The following TAF4 variants were observed in gnomAD, a reference collection of about 807,000 sequenced individuals.
TAF4 encodes transcription initiation factor TFIID subunit 4.
Under a neutral mutation model 90.3 loss-of-function variants are expected in TAF4, and 9 were observed. The ratio of observed to expected loss-of-function variants is 0.10; its 90% CI spans 0.06 to 0.17. TAF4 has a LOEUF of 0.17. Ranked by LOEUF, TAF4 falls within the 10% of genes least tolerant of loss-of-function variation. The probability of loss-of-function intolerance (pLI) is 1.00; values close to 1 mark genes in which losing one functional copy is unlikely to be tolerated. For missense variants in TAF4, 1,351 were observed against 1,370.7 expected (o/e 0.99, Z 0.23); for synonymous variants, 818 against 638.9 (o/e 1.28, Z -4.23).
rs954862512 is a variant in TAF4, at chr20:61,976,478, G to A, written c.3091-143C>T. 18 of 941,780 alleles carry A rather than the reference G, an allele frequency of 1.9e-5. 1 individual carries two copies. Among genetic ancestry groups the A allele is most frequent in the Non-Finnish European group, 2.7e-5 (17 of 625,080 alleles). 58.3% of individuals were successfully genotyped at this position (941,780 alleles called of 1,614,324 possible). On this transcript the variant is annotated intron_variant, in intron 14 of 14. Transcript: ENST00000252996. ...TCCTTCCGGTAGGCCCACAGCTGGA[G>A]CTGGGGTGCTGTCCAGGGCCCTGCC...
chr20:62,035,240 T>A lies in TAF4; in HGVS notation c.1361-20533A>T, dbSNP rs1201090683. Among the ~76,000 whole-genome samples, 5 of 152,184 alleles carry A rather than the reference T, an allele frequency of 3.3e-5. No individual in the cohort carries two copies. The East Asian group carries it at 9.6e-4, about 29-fold the overall frequency. On this transcript the variant is annotated intron_variant, in intron 1 of 14. Coordinates refer to ENST00000252996, the MANE Select transcript of TAF4 (RefSeq NM_003185.4). ...CTAAAATTTATAAGGAAGATCAAAG[T>A]GCCAAGAGTTGCACAGACAATTCTC...
At chr20:62,063,258 C>T (rs2056099945) in intron 1 of TAF4, among the ~76,000 whole-genome samples, 2 of 152,186 alleles carry the variant, frequency 1.3e-5, no homozygotes, top group Non-Finnish European at 1.5e-5. Flanking sequence ...GACAAGAAAT[C>T]CTTTCACTTC....
At chr20:61,997,192 T>G (rs2055668688) in intron 14 of TAF4, among the ~76,000 whole-genome samples, 1 of 152,200 alleles carries the variant, frequency 6.6e-6, no homozygotes, top group Admixed American at 6.5e-5. Context: ...GAACTGTCCA[T>G]TCTCCTACAG....
chr20:62,056,239 A>G (rs1391049517), intron 1 of TAF4, among the ~76,000 whole-genome samples: 2 of 152,204 alleles, frequency 1.3e-5, no homozygotes, highest in Non-Finnish European at 2.9e-5. Context: ...TCTGTCTCGA[A>G]AAAAAAGAAA....
intron 1 of TAF4, among the ~76,000 whole-genome samples, chr20:62,022,810 T>C (rs1198512134): frequency 6.6e-6 from 1 of 152,210 alleles, no homozygotes; most frequent in African/African-American, 2.4e-5. Context: ...GTAACCCGAA[T>C]ATTTTGCTAA....
At chr20:62,036,407 A>T (rs552787038) in intron 1 of TAF4, among the ~76,000 whole-genome samples, 30 of 152,352 alleles carry the variant, frequency 2.0e-4, no homozygotes, top group Middle Eastern at 3.4e-3. Flanking sequence ...GAAAAGTCTG[A>T]CAACACCCAG....
intron 1 of TAF4, among the ~76,000 whole-genome samples, chr20:62,036,895 G>A (rs757414433): frequency 2.6e-5 from 4 of 152,168 alleles, no homozygotes; most frequent in East Asian, 3.8e-4. Flanking sequence ...CCGGATTAGC[G>A]CCCTTATGAA....
intron 14 of TAF4, among the ~76,000 whole-genome samples, chr20:61,983,701 T>A (rs1186832706): frequency 1.3e-5 from 2 of 152,188 alleles, no homozygotes; most frequent in Admixed American, 1.3e-4. Context: ...TAAAATATTA[T>A]GATAGAGTCA....
intron 1 of TAF4, among the ~76,000 whole-genome samples, chr20:62,022,861 GC>G (rs5842371): frequency 0.032 from 4,795 of 148,334 alleles, 189 homozygotes; most frequent in African/African-American, 0.094. Flanking sequence ...AGCACTTGCA[GC>G]CCCCCCCCCG....
intron 14 of TAF4, among the ~76,000 whole-genome samples, chr20:61,977,170 A>G (rs112055477): frequency 2.8e-4 from 38 of 135,468 alleles, no homozygotes; most frequent in Non-Finnish European, 4.7e-4. Context: ...CCAGCGGGGC[A>G]CGAGCCACAC....
At chr20:62,030,873 C>T (rs1279661696) in intron 1 of TAF4, among the ~76,000 whole-genome samples, 1 of 152,196 alleles carries the variant, frequency 6.6e-6, no homozygotes, top group Non-Finnish European at 1.5e-5. Context: ...AGGAGGCTCT[C>T]CGTACCCCAC....
At chr20:62,027,669 C>A (rs2055882239) in intron 1 of TAF4, among the ~76,000 whole-genome samples, 1 of 152,168 alleles carries the variant, frequency 6.6e-6, no homozygotes, top group Non-Finnish European at 1.5e-5. Context: ...GATAAAATAA[C>A]CTTGGCAAAT....
At chr20:61,981,580 G>C (rs1407518617) in intron 14 of TAF4, 2 of 152,212 alleles carry the variant, frequency 1.3e-5, no homozygotes, top group South Asian at 4.1e-4. Context: ...CGGTGAAAAT[G>C]CAGTAAGGAA....
At chr20:62,052,500 G>A (rs1213283713) in intron 1 of TAF4, among the ~76,000 whole-genome samples, 2 of 151,650 alleles carry the variant, frequency 1.3e-5, no homozygotes, top group East Asian at 1.9e-4. Context: ...GCCCTGCCCC[G>A]CACCAGCTCC....
chr20:62,018,565 C>T (rs1285912146), intron 1 of TAF4, among the ~76,000 whole-genome samples: 1 of 152,234 alleles, frequency 6.6e-6, no homozygotes, highest in East Asian at 1.9e-4. Context: ...GGTGTGGCCC[C>T]CACCCCGCCC....
chr20:62,018,325 G>A (rs570914710), intron 1 of TAF4, among the ~76,000 whole-genome samples: 36 of 152,302 alleles, frequency 2.4e-4, no homozygotes, highest in African/African-American at 6.3e-4. Flanking sequence ...CTGCATCCAC[G>A]CCATGTTTCC....
chr20:61,978,558 A>G (rs1168929375), intron 14 of TAF4, among the ~76,000 whole-genome samples: 1 of 143,234 alleles, frequency 7.0e-6, no homozygotes, highest in African/African-American at 2.7e-5. Flanking sequence ...CAACCAAAGG[A>G]GGGGGTGAGA....
At position 61,993,118 on chromosome 20, in the gene TAF4, G is replaced by C. The variant is rs182638190; in HGVS notation, c.3090+4432C>G. Reference sequence around the variant, plus strand: ...GCGGCCAAACAGTAGTGGAGGAAGAGTCTCCAAAAGAACACCCCAAAGAGG... The same window carrying C: ...GCGGCCAAACAGTAGTGGAGGAAGACTCTCCAAAAGAACACCCCAAAGAGG... On this transcript the variant is annotated intron_variant, in intron 14 of 14. Transcript: ENST00000252996. Among the ~76,000 whole-genome samples, 47 of 152,280 alleles carry C rather than the reference G, an allele frequency of 3.1e-4. No homozygotes were observed. The East Asian group carries it at 8.9e-3, about 29-fold the overall frequency.
chr20:62,013,568 G>A (rs545527757), intron 2 of TAF4, among the ~76,000 whole-genome samples: 24 of 152,382 alleles, frequency 1.6e-4, no homozygotes, highest in African/African-American at 5.5e-4. Flanking sequence ...GTCTCTGGCA[G>A]CCTCCGGCAC....
Sources: gnomAD v4.1 joint callset for allele counts (sites outside exome capture counted in the v4.1 genomes callset) on GRCh38, gnomAD v4.1.1 for gene constraint, MANE v1.5 for transcripts, NCBI Gene and HGNC (gene_info 2026-07-23, HGNC 2026-07-21) for gene names.